The following SLIT3 variants were observed in gnomAD, a reference collection of about 807,000 sequenced individuals.
The protein encoded by SLIT3 is slit homolog 3 protein.
In SLIT3, 68 loss-of-function variants were observed where a neutral mutation model predicts 184.0. The ratio of observed to expected loss-of-function variants is 0.37; its 90% CI spans 0.30 to 0.45. The LOEUF is 0.45. SLIT3 is among the 20% of genes least tolerant of loss of function. The pLI, the probability that SLIT3 is intolerant of heterozygous loss-of-function variation, is 1.00. For missense variants in SLIT3, 1,707 were observed against 2,026.0 expected (o/e 0.84, Z 3.02); for synonymous variants, 831 against 828.6 (o/e 1.00, Z -0.05).
At chr5:168,697,227 T>C (rs1056253864) in intron 27 of SLIT3, among the ~76,000 whole-genome samples, 2 of 152,224 alleles carry the variant, frequency 1.3e-5, no homozygotes, top group African/African-American at 4.8e-5. Context: ...ATCCCTCGCC[T>C]GCCAAGAGTG....
Position 168,664,446 on chromosome 5 carries a change from A to G in SLIT3, c.*2008T>C, listed in dbSNP as rs1353507470. ...GAACATAATGGAGATTTACATGCAC[A>G]TTTTTAGATAAATTCCTCAGCTATA... On this transcript the variant is annotated 3_prime_UTR_variant, in exon 36 of 36. Transcript: ENST00000519560. 1 of 152,174 alleles carries G rather than the reference A, an allele frequency of 6.6e-6. No individual in the cohort carries two copies. The highest frequency in any genetic ancestry group is 1.5e-5 in the Non-Finnish European group (1 of 68,034). 9.4% of individuals were successfully genotyped at this position (152,174 alleles called of 1,614,324 possible). A position where few individuals can be genotyped will look rare whatever the true frequency, so the allele number is the denominator to read the frequency against.
At chr5:169,246,064 G>A (rs181398111) in intron 2 of SLIT3, among the ~76,000 whole-genome samples, 13 of 152,244 alleles carry the variant, frequency 8.5e-5, no homozygotes, top group East Asian at 5.8e-4. Flanking sequence ...GTTTGGGCTC[G>A]ATGATATTTT....
At position 169,300,996 on chromosome 5, in the gene SLIT3, G is replaced by T; in HGVS notation, c.-287C>A. 6.1e-6 allele frequency: 1 copy of T among 163,878 alleles called. No homozygotes were observed. Among genetic ancestry groups the T allele is most frequent in the Non-Finnish European group, 1.3e-5 (1 of 76,024 alleles). The allele number at this position is 163,878 out of a possible 1,614,324, so 10.2% of individuals were successfully genotyped here. A position where few individuals can be genotyped will look rare whatever the true frequency, so the allele number is the denominator to read the frequency against. On this transcript the variant is annotated 5_prime_UTR_variant, in exon 1 of 36. Coordinates refer to ENST00000519560, the MANE Select transcript of SLIT3 (RefSeq NM_003062.4). This position sits in a 1 kb window ranked among gnomAD's most constrained non-coding sequence, Gnocchi z 4.1. ...GCCCCCTGGCCCCGCTGGCCCGCGGGCCGGGTTGGGGACCTGGGGCGAGCG... is the reference window on the plus strand; with the variant it reads ...GCCCCCTGGCCCCGCTGGCCCGCGGTCCGGGTTGGGGACCTGGGGCGAGCG...
chr5:169,058,732 G>A (rs1443076420), intron 4 of SLIT3, among the ~76,000 whole-genome samples: 1 of 152,158 alleles, frequency 6.6e-6, no homozygotes, highest in Non-Finnish European at 1.5e-5. Context: ...TTTCTAATCT[G>A]TTTCCTACTC....
intron 12 of SLIT3, 70 bp downstream of exon 12, chr5:168,785,837 G>A (rs1318132726): frequency 5.3e-6 from 6 of 1,140,126 alleles, no homozygotes; most frequent in Non-Finnish European, 2.7e-6. Context: ...CCAGAGCATG[G>A]CTCAACGTTT....
At chr5:169,088,551 G>A (rs1168620256) in intron 4 of SLIT3, among the ~76,000 whole-genome samples, 1 of 152,208 alleles carries the variant, frequency 6.6e-6, no homozygotes, top group Non-Finnish European at 1.5e-5. Context: ...TAGTCCAGGA[G>A]TGAGCAAGAC....
chr5:169,067,613 A>T (rs921454816), intron 4 of SLIT3, among the ~76,000 whole-genome samples: 1 of 152,154 alleles, frequency 6.6e-6, no homozygotes, highest in Non-Finnish European at 1.5e-5. Flanking sequence ...ACCTCCTGCT[A>T]CTTGGGCATC....
At chr5:168,981,330 G>A (rs889377490) in intron 4 of SLIT3, among the ~76,000 whole-genome samples, 7 of 152,188 alleles carry the variant, frequency 4.6e-5, no homozygotes, top group African/African-American at 1.7e-4. Flanking sequence ...GGGTAGGGGA[G>A]AAAGAGGGTG....
At chr5:169,072,609 T>C (rs1758593235) in intron 4 of SLIT3, among the ~76,000 whole-genome samples, 1 of 152,192 alleles carries the variant, frequency 6.6e-6, no homozygotes. Context: ...CCTGAACACA[T>C]TTTATCATCA....
intron 4 of SLIT3, among the ~76,000 whole-genome samples, chr5:168,968,587 G>A (rs887546746): frequency 1.3e-5 from 2 of 152,116 alleles, no homozygotes; most frequent in Non-Finnish European, 1.5e-5. Flanking sequence ...AATCTCACTG[G>A]GGAGACATGA....
intron 4 of SLIT3, among the ~76,000 whole-genome samples, chr5:168,973,093 A>T (rs1397451323): frequency 2.7e-5 from 4 of 150,450 alleles, no homozygotes; most frequent in Admixed American, 6.6e-5. Context: ...GCCCAAAGGC[A>T]ATAATGGGAC....
intron 16 of SLIT3, among the ~76,000 whole-genome samples, chr5:168,760,196 A>G (rs745905699): frequency 1.2e-4 from 18 of 152,350 alleles, no homozygotes; most frequent in African/African-American, 1.7e-4. Flanking sequence ...CGCAGGGAGC[A>G]TGGTCCTTAG....
intron 3 of SLIT3, among the ~76,000 whole-genome samples, chr5:169,197,392 C>T (rs1299136795): frequency 2.6e-5 from 4 of 152,120 alleles, no homozygotes; most frequent in African/African-American, 9.7e-5. Context: ...CCTGGAAAGT[C>T]TTCCTTGAAA....
chr5:169,152,520 C>T (rs1054521804), intron 4 of SLIT3, among the ~76,000 whole-genome samples: 1 of 152,170 alleles, frequency 6.6e-6, no homozygotes, highest in Non-Finnish European at 1.5e-5. Flanking sequence ...TGGGCACCGC[C>T]TCGTGGGGAT....
At chr5:168,843,739 A>G (rs1470190576) in intron 6 of SLIT3, among the ~76,000 whole-genome samples, 2 of 152,252 alleles carry the variant, frequency 1.3e-5, no homozygotes, top group Non-Finnish European at 2.9e-5. Flanking sequence ...AATCAGGGAC[A>G]GCTAGAAGTG....
At chr5:169,238,279 T>A (rs576223312) in intron 3 of SLIT3, among the ~76,000 whole-genome samples, 186 of 152,254 alleles carry the variant, frequency 1.2e-3, no homozygotes, top group African/African-American at 4.3e-3. Flanking sequence ...AATTTCTGAG[T>A]TTTTGAAATT....
intron 4 of SLIT3, among the ~76,000 whole-genome samples, chr5:168,994,623 CTTTTTTTTTTTTTTTTTTTTTTTTTTTTT>C (rs66498923): frequency 2.7e-3 from 127 of 47,102 alleles, no homozygotes; most frequent in Non-Finnish European, 4.1e-3. Context: ...TGGCATTCTA[CTTTTTTTTTTTTTTTTTTTTTTTTTTTTT>C]TTTTTTTTTT....
At chr5:168,944,463 A>G (rs1204136475) in intron 4 of SLIT3, among the ~76,000 whole-genome samples, 2 of 152,132 alleles carry the variant, frequency 1.3e-5, no homozygotes, top group Non-Finnish European at 1.5e-5. Context: ...CAGTTGAGAA[A>G]ATGGTTTTGA....
chr5:169,115,071 T>C (rs1250796980), intron 4 of SLIT3, among the ~76,000 whole-genome samples: 1 of 152,214 alleles, frequency 6.6e-6, no homozygotes, highest in Non-Finnish European at 1.5e-5. Flanking sequence ...TGCAGGGGTC[T>C]CATGAGCTGC....
Sources: allele counts gnomAD v4.1 joint callset (sites outside exome capture counted in the v4.1 genomes callset), GRCh38; gene constraint gnomAD v4.1.1; non-coding constraint Gnocchi (gnomAD v3.1); transcripts MANE v1.5; gene names NCBI Gene and HGNC (gene_info 2026-07-23, HGNC 2026-07-21).